The following CDK4 variants were observed in gnomAD, a reference collection of about 807,000 sequenced individuals.
CDK4 encodes cyclin dependent kinase 4.
Under a neutral mutation model 36.7 loss-of-function variants are expected in CDK4, and 13 were observed. The ratio of observed to expected loss-of-function variants is 0.35; its 90% CI spans 0.23 to 0.56. The LOEUF is 0.56. Ranked by LOEUF, CDK4 falls within the 20% of genes least tolerant of loss-of-function variation. The pLI, the probability that CDK4 is intolerant of heterozygous loss-of-function variation, is 0.85. For missense variants in CDK4, 285 were observed against 387.3 expected (o/e 0.74, Z 2.22); for synonymous variants, 158 against 146.4 (o/e 1.08, Z -0.57).
At chr12:57,750,395 A>G (rs1955221914) in intron 5 of CDK4, 2 of 430,858 alleles carry the variant, frequency 4.6e-6, no homozygotes, top group East Asian at 4.8e-5. Context: ...CTGAGACCCC[A>G]TCTCTATAAA....
At position 57,751,832 on chromosome 12, in the gene CDK4, G is replaced by T. The variant is rs1417431738; in HGVS notation, c.-19-96C>A. 5 of 851,498 alleles carry T rather than the reference G, an allele frequency of 5.9e-6. No individual in the cohort carries two copies. Among genetic ancestry groups the T allele is most frequent in the Non-Finnish European group, 9.5e-6 (5 of 524,628 alleles). The allele number at this position is 851,498 out of a possible 1,614,324, so 52.7% of individuals were successfully genotyped here. A position where few individuals can be genotyped will look rare whatever the true frequency, so the allele number is the denominator to read the frequency against. On this transcript the variant is annotated intron_variant, in intron 1 of 7. Coordinates refer to ENST00000257904, the MANE Select transcript of CDK4 (RefSeq NM_000075.4). The surrounding 1 kb of genome is among the most constrained non-coding windows in gnomAD (Gnocchi z 4.5). Reference sequence around the variant, plus strand: ...GGGACTCCCAAAAAAAAAGCGCAAAGAACACCACCAGCATCCCATCCCCCG... The same window carrying T: ...GGGACTCCCAAAAAAAAAGCGCAAATAACACCACCAGCATCCCATCCCCCG...
intron 7 of CDK4, 30 bp downstream of exon 7, chr12:57,749,152 T>C (rs1955198938): frequency 6.2e-7 from 1 of 1,613,924 alleles, no homozygotes; most frequent in East Asian, 2.2e-5. Flanking sequence ...TCTCTATTTC[T>C]TTCCCTGTGC....
At position 57,748,292 on chromosome 12, in the gene CDK4, G is replaced by A. The variant is rs1955183126; in HGVS notation, c.*233C>T. 8.2e-6 allele frequency: 4 copies of A among 489,948 alleles called. No individual in the cohort carries two copies. The highest frequency in any genetic ancestry group is 4.7e-5 in the South Asian group (2 of 42,610). The allele number at this position is 489,948 out of a possible 1,614,324, so 30.4% of individuals were successfully genotyped here. A position where few individuals can be genotyped will look rare whatever the true frequency, so the allele number is the denominator to read the frequency against. ...ATAAAAAAGGACCCCAAATATAAAG[G>A]TAGGGAAAGGGACAAGAGGGAACAT... is the stretch of plus-strand genomic sequence containing the variant. On this transcript the variant is annotated 3_prime_UTR_variant, in exon 8 of 8. Coordinates refer to ENST00000257904, the MANE Select transcript of CDK4 (RefSeq NM_000075.4).
In CDK4 at chr12:57,751,609, C is replaced by T. The variant is rs1060501930; in HGVS notation, c.109G>A (p.Val37Met). Residue 37 changes from valine (V) to methionine (M), a missense_variant, in exon 2 of 8, where the codon GTG becomes ATG. By Grantham distance (21) the Val-to-Met change is conservative (BLOSUM62 1). Coordinates refer to ENST00000257904, the MANE Select transcript of CDK4 (RefSeq NM_000075.4). This position sits in a 1 kb window ranked among gnomAD's most constrained non-coding sequence, Gnocchi z 4.5. ...CCTCCTCCTCCATTGGGGACTCTCA[C>T]ACTCTTGAGGGCCACAAAGTGGCCA... ...HSGHFVALKS[V>M]RVPNGGGGGG... 8 of 1,614,086 alleles carry T rather than the reference C, an allele frequency of 5.0e-6. No individual in the cohort carries two copies. Among genetic ancestry groups the T allele is most frequent in the South Asian group, 1.1e-5 (1 of 91,088 alleles).
Position 57,751,356 on chromosome 12 carries a change from A to ATG in CDK4, c.219-16_219-15dup. 6.2e-7 allele frequency: 1 copy of ATG among 1,613,962 alleles called. No homozygotes were observed. The highest frequency in any genetic ancestry group is 8.5e-7 in the Non-Finnish European group (1 of 1,180,032). ...ACGTCCATCAGCCTGACCAGAGTAA[A>ATG]TGCTCACTTTTCAATCCCCTTTAAC... On this transcript the variant is annotated splice_polypyrimidine_tract_variant and intron_variant, in intron 2 of 7. Transcript: ENST00000257904. This position sits in a 1 kb window ranked among gnomAD's most constrained non-coding sequence, Gnocchi z 4.5.
Position 57,751,990 on chromosome 12 carries a change from A to G in CDK4, c.-20+185T>C. The stretch of plus-strand genomic sequence containing the variant: ...ATCGCGCCCCGCACAAAGATCACAC[A>G]TGACACATGCCTTGCATCGAAGATC... On this transcript the variant is annotated intron_variant, in intron 1 of 7. Coordinates refer to ENST00000257904, the MANE Select transcript of CDK4 (RefSeq NM_000075.4). This position sits in a 1 kb window ranked among gnomAD's most constrained non-coding sequence, Gnocchi z 4.5. The G allele has an allele frequency of 1.9e-6, 1 of 525,518 alleles. No homozygotes were observed. Among genetic ancestry groups the G allele is most frequent in the Non-Finnish European group, 3.4e-6 (1 of 290,080 alleles). The allele number at this position is 525,518 out of a possible 1,614,324, so 32.6% of individuals were successfully genotyped here.
Position 57,750,663 on chromosome 12 carries a change from GA to G in CDK4, c.624del (p.Arg209ValfsTer21). ...WSVGCIFAEM[F>X]RRKPLFCGNS... ...GGTATGTGGGTCCCATACTTTCGAC[GA>G]AACATCTCTGCAAAGATACAGCCAA... On this transcript the variant is annotated frameshift_variant, in exon 5 of 8. Transcript: ENST00000257904. LOFTEE classifies it high-confidence loss of function. 6.2e-7 allele frequency: 1 copy of G among 1,611,212 alleles called. No homozygotes were observed. Among genetic ancestry groups the G allele is most frequent in the Non-Finnish European group, 8.5e-7 (1 of 1,177,386 alleles).
chr12:57,751,318 G>A lies in CDK4; in HGVS notation c.243C>T (p.Ser81=), dbSNP rs2140387528. 1 of 1,614,092 alleles carries A rather than the reference G, an allele frequency of 6.2e-7. No individual in the cohort carries two copies. Among genetic ancestry groups the A allele is most frequent in the Non-Finnish European group, 8.5e-7 (1 of 1,180,032 alleles). The change falls in exon 3 of 8, where the codon TCC becomes TCT. Residue 81 remains serine, a synonymous_variant. Coordinates refer to ENST00000257904, the MANE Select transcript of CDK4 (RefSeq NM_000075.4). The surrounding 1 kb of genome is among the most constrained non-coding windows in gnomAD (Gnocchi z 4.5). ...VVRLMDVCAT[S]RTDREIKVTL... ...TTACCTTGATCTCCCGGTCAGTTCG[G>A]GATGTGGCACAGACGTCCATCAGCC... is the stretch of plus-strand genomic sequence containing the variant.
intron 5 of CDK4, 41 bp downstream of exon 5, chr12:57,750,615 T>C (rs898912043): frequency 7.5e-7 from 1 of 1,339,924 alleles, no homozygotes; most frequent in Non-Finnish European, 1.1e-6. Flanking sequence ...AACAAGCGAT[T>C]TGGGGAATTC....
intron 5 of CDK4, chr12:57,749,954 A>C: frequency 9.5e-6 from 2 of 209,436 alleles, no homozygotes; most frequent in Non-Finnish European, 9.7e-6. Flanking sequence ...CAGAGATCGC[A>C]CTACTGCACT....
At chr12:57,749,014 T>G in intron 7 of CDK4, 168 bp downstream of exon 7, 10 of 877,278 alleles carry the variant, frequency 1.1e-5, no homozygotes, top group Non-Finnish European at 1.8e-5. Flanking sequence ...CCAGGATGGG[T>G]TCTCTTCTAT....
Position 57,751,830 on chromosome 12 carries a change from A to G in CDK4, c.-19-94T>C. The stretch of plus-strand genomic sequence containing the variant: ...AAGGGACTCCCAAAAAAAAAGCGCA[A>G]AGAACACCACCAGCATCCCATCCCC... On this transcript the variant is annotated intron_variant, in intron 1 of 7. Transcript: ENST00000257904. This position sits in a 1 kb window ranked among gnomAD's most constrained non-coding sequence, Gnocchi z 4.5. The G allele has an allele frequency of 1.2e-6, 1 of 862,414 alleles. No homozygotes were observed. The highest frequency in any genetic ancestry group is 1.9e-6 in the Non-Finnish European group (1 of 533,396). 53.4% of individuals were successfully genotyped at this position (862,414 alleles called of 1,614,324 possible).
chr12:57,749,228 T>A lies in CDK4; in HGVS notation c.773A>T (p.Gln258Leu). The A allele has an allele frequency of 1.2e-6, 2 of 1,614,052 alleles. No homozygotes were observed. Among genetic ancestry groups the A allele is most frequent in the Non-Finnish European group, 1.7e-6 (2 of 1,179,904 alleles). The stretch of plus-strand genomic sequence containing the variant: ...CTCCTCCATCTCAGGTACCACCGAC[T>A]GCACTGGGCGGGGCCCTCTGGGGGG... ...AFPPRGPRPV[Q>L]SVVPEMEESG... Residue 258 changes from glutamine to leucine, a missense_variant, in exon 7 of 8, where the codon CAG becomes CTG. Physicochemically the swap from Gln to Leu is moderately radical, Grantham distance 113. Coordinates refer to ENST00000257904, the MANE Select transcript of CDK4 (RefSeq NM_000075.4).
chr12:57,749,753 C>T, intron 5 of CDK4: 1 of 543,492 alleles, frequency 1.8e-6, no homozygotes, highest in East Asian at 3.2e-5. Flanking sequence ...AATCCTAGCA[C>T]TTTGGGAGTC....
rs1955231781 is a variant in CDK4 at position 57,751,125 on chromosome 12, A to G, written c.355-35T>C. Reference sequence around the variant, plus strand: ...AAGGGGAGGTACAGATGCACTGGAAACTAGGCACCATACCTGAAATCCCAG... The same window carrying G: ...AAGGGGAGGTACAGATGCACTGGAAGCTAGGCACCATACCTGAAATCCCAG... On this transcript the variant is annotated intron_variant, in intron 3 of 7. Coordinates refer to ENST00000257904, the MANE Select transcript of CDK4 (RefSeq NM_000075.4). This position sits in a 1 kb window ranked among gnomAD's most constrained non-coding sequence, Gnocchi z 4.5. 2.5e-6 allele frequency: 4 copies of G among 1,614,148 alleles called. No individual in the cohort carries two copies. The East Asian group carries it at 8.9e-5, about 36-fold the overall frequency.
In CDK4 at chr12:57,751,879, G is replaced by A; in HGVS notation, c.-19-143C>T. On this transcript the variant is annotated intron_variant, in intron 1 of 7. Transcript: ENST00000257904. This position sits in a 1 kb window ranked among gnomAD's most constrained non-coding sequence, Gnocchi z 4.5. ...CCCGCTCCCAGTCTTCCTTGGGGCC[G>A]GCCCCAGAGATAACACAATGACTCA... 3 of 675,934 alleles carry A rather than the reference G, an allele frequency of 4.4e-6. No homozygotes were observed. Among genetic ancestry groups the A allele is most frequent in the South Asian group, 3.3e-5 (2 of 60,060 alleles). The allele number at this position is 675,934 out of a possible 1,614,324, so 41.9% of individuals were successfully genotyped here.
rs1322339253 is a variant in CDK4 at position 57,751,163 on chromosome 12, C to T, written c.354+44G>A. 1 of 1,614,084 alleles carries T rather than the reference C, an allele frequency of 6.2e-7. No homozygotes were observed. Among genetic ancestry groups the T allele is most frequent in the East Asian group, 2.2e-5 (1 of 44,892 alleles). On this transcript the variant is annotated intron_variant, in intron 3 of 7. Coordinates refer to ENST00000257904, the MANE Select transcript of CDK4 (RefSeq NM_000075.4). The surrounding 1 kb of genome is among the most constrained non-coding windows in gnomAD (Gnocchi z 4.5). Reference sequence around the variant, plus strand: ...CCTGAAATCCCAGAAGGTTCTACTACAAAGGTCCCAATCCACCTCTCAATG... The same window carrying T: ...CCTGAAATCCCAGAAGGTTCTACTATAAAGGTCCCAATCCACCTCTCAATG...
In CDK4 at chr12:57,751,128, A is replaced by T. The variant is rs776219607; in HGVS notation, c.355-38T>A. The stretch of plus-strand genomic sequence containing the variant: ...GGGAGGTACAGATGCACTGGAAACT[A>T]GGCACCATACCTGAAATCCCAGAAG... On this transcript the variant is annotated intron_variant, in intron 3 of 7. Transcript: ENST00000257904. The surrounding 1 kb of genome is among the most constrained non-coding windows in gnomAD (Gnocchi z 4.5). 6 of 1,614,120 alleles carry T rather than the reference A, an allele frequency of 3.7e-6. No homozygotes were observed. Among genetic ancestry groups the T allele is most frequent in the Non-Finnish European group, 4.2e-6 (5 of 1,179,984 alleles).
At chr12:57,750,543 G>A (rs760930067) in intron 5 of CDK4, 113 bp downstream of exon 5, 14 of 798,634 alleles carry the variant, frequency 1.8e-5, no homozygotes, top group Non-Finnish European at 2.2e-5. Context: ...ATCCAGCCTG[G>A]GCAACACAGC....
Sources: allele counts gnomAD v4.1 joint callset, GRCh38; gene constraint gnomAD v4.1.1; non-coding constraint Gnocchi (gnomAD v3.1); transcripts MANE v1.5; gene names NCBI Gene and HGNC (gene_info 2026-07-23, HGNC 2026-07-21).